SLC6A4: variants seen among roughly 807,000 people sequenced by gnomAD.
The protein encoded by SLC6A4 is sodium-dependent serotonin transporter.
SLC6A4 carries 22 observed loss-of-function variants against 73.4 expected under a neutral mutation model. The observed-to-expected ratio is 0.30, with a 90% confidence interval of 0.21 to 0.43. The LOEUF is 0.43. Among genes scored for constraint, SLC6A4 ranks in the 20% least tolerant of loss-of-function variants. SLC6A4 has a pLI of 1.00. For synonymous variants in SLC6A4, 270 were observed against 315.5 expected, an observed-to-expected ratio of 0.86 and a Z score of 1.53; for missense variants, 593 against 808.5, an observed-to-expected ratio of 0.73 and a Z score of 3.23.
chr17:30,210,657 C>T lies in SLC6A4; in HGVS notation c.1318-11G>A, dbSNP rs200006101. On this transcript the variant is annotated splice_polypyrimidine_tract_variant and intron_variant, in intron 10 of 14. Coordinates refer to ENST00000650711, the MANE Select transcript of SLC6A4 (RefSeq NM_001045.6). ...CTCCAAGCCTGCAAACTGAGAGGTA[C>T]AGGCAAGCAGTCACGGTGGAGGCTT... 135 of 1,607,218 alleles carry T rather than the reference C, an allele frequency of 8.4e-5. No individual in the cohort carries two copies. The highest frequency in any genetic ancestry group is 3.4e-4 in the Middle Eastern group (2 of 5,870).
At position 30,216,236 on chromosome 17, in the gene SLC6A4, T is replaced by C. The variant is rs775727427; in HGVS notation, c.838-20A>G. On this transcript the variant is annotated intron_variant, in intron 6 of 14. Transcript: ENST00000650711. ...CACCACCTGTAAGGAAGAAGGGTTA[T>C]CACCATGCTGTTCCAGGGAGGGGAG... is the stretch of plus-strand genomic sequence containing the variant. 10 of 1,253,488 alleles carry C rather than the reference T, an allele frequency of 8.0e-6. No individual in the cohort carries two copies. Among genetic ancestry groups the C allele is most frequent in the Non-Finnish European group, 1.1e-5 (10 of 938,062 alleles). The allele number at this position is 1,253,488 out of a possible 1,614,324, so 77.6% of individuals were successfully genotyped here. A position where few individuals can be genotyped will look rare whatever the true frequency, so the allele number is the denominator to read the frequency against.
chr17:30,219,358 T>C (rs1249719774), intron 3 of SLC6A4, among the ~76,000 whole-genome samples: 1 of 152,194 alleles, frequency 6.6e-6, no homozygotes, highest in Non-Finnish European at 1.5e-5. Context: ...CCAGACCTCC[T>C]GAAGCGGAAT....
At chr17:30,200,871 TC>T (rs1283219939) in intron 14 of SLC6A4, among the ~76,000 whole-genome samples, 1 of 152,106 alleles carries the variant, frequency 6.6e-6, no homozygotes, top group Non-Finnish European at 1.5e-5. Context: ...AATCTCTGCC[TC>T]CCAGGCTCAA....
intron 14 of SLC6A4, 88 bp from the exon 15 acceptor site, chr17:30,198,618 T>A: frequency 1.4e-6 from 1 of 710,608 alleles, no homozygotes; most frequent in Non-Finnish European, 2.5e-6. Flanking sequence ...AAACAAAGCT[T>A]AAATAACACT....
intron 13 of SLC6A4, chr17:30,205,868 G>A (rs1906177388): frequency 6.6e-6 from 1 of 152,138 alleles, no homozygotes; most frequent in African/African-American, 2.4e-5. Flanking sequence ...AAAATAAAGG[G>A]TTACCCCAAG....
rs989459948 is a variant in SLC6A4, at chr17:30,198,716, TAA to T, written c.1819-188_1819-187del. The stretch of plus-strand genomic sequence containing the variant: ...AATTTATGTATTCTCAAATATGAAT[TAA>T]AATGGTATATTCAGAAACTATACAC... On this transcript the variant is annotated intron_variant, in intron 14 of 14. Coordinates refer to ENST00000650711, the MANE Select transcript of SLC6A4 (RefSeq NM_001045.6). Among the ~76,000 whole-genome samples, 185 of 152,320 alleles carry T rather than the reference TAA, an allele frequency of 1.2e-3. 1 individual carries two copies. Among genetic ancestry groups the T allele is most frequent in the African/African-American group, 4.2e-3 (175 of 41,556 alleles).
chr17:30,212,551 T>C (rs918417946), intron 9 of SLC6A4, among the ~76,000 whole-genome samples, 189 bp downstream of exon 9: 1 of 151,950 alleles, frequency 6.6e-6, no homozygotes, highest in African/African-American at 2.4e-5. Flanking sequence ...CATGCCCAGC[T>C]CATTTATTTT....
At chr17:30,227,354 G>T (rs1906960539) in intron 1 of SLC6A4, among the ~76,000 whole-genome samples, 1 of 147,862 alleles carries the variant, frequency 6.8e-6, no homozygotes, top group African/African-American at 2.5e-5. Context: ...AAATCTGCTT[G>T]TTTTTTTTTT....
chr17:30,201,774 C>T (rs1460039672), intron 14 of SLC6A4, among the ~76,000 whole-genome samples: 2 of 152,130 alleles, frequency 1.3e-5, no homozygotes, highest in East Asian at 1.9e-4. Flanking sequence ...TACAGTTTTC[C>T]TGTTTCAAAA....
In SLC6A4 at chr17:30,217,175, G is replaced by A; in HGVS notation, c.828C>T (p.Thr276=). 3.7e-6 allele frequency: 6 copies of A among 1,613,840 alleles called. No individual in the cohort carries two copies. The highest frequency in any genetic ancestry group is 5.1e-6 in the Non-Finnish European group (6 of 1,179,830). Residue 276 remains threonine, a synonymous_variant, in exon 6 of 15, where the codon ACC becomes ACT. Transcript: ENST00000650711. ...CCAGAGCCTTCCTCACCTTGCCAGAGGTCTTGACGCCTTTCCAGATGCTGA... is the reference window on the plus strand; with the variant it reads ...CCAGAGCCTTCCTCACCTTGCCAGAAGTCTTGACGCCTTTCCAGATGCTGA... ...IYFSIWKGVK[T]SGKVVWVTAT...
intron 12 of SLC6A4, among the ~76,000 whole-genome samples, chr17:30,208,502 G>A (rs1429834862): frequency 1.3e-5 from 2 of 151,968 alleles, no homozygotes; most frequent in Non-Finnish European, 2.9e-5. Context: ...CAGTTCCTAG[G>A]GCAGGTCTAT....
Position 30,222,059 on chromosome 17 carries a change from G to A in SLC6A4, c.-101C>T, listed in dbSNP as rs1173587511. On this transcript the variant is annotated 5_prime_UTR_variant, in exon 3 of 15. Transcript: ENST00000650711. Reference sequence around the variant, plus strand: ...ATCACCTCCGAGCTCTCTATCGTCGGGATTGACACGTCGGGATTGACTCTG... The same window carrying A: ...ATCACCTCCGAGCTCTCTATCGTCGAGATTGACACGTCGGGATTGACTCTG... 1.9e-6 allele frequency: 3 copies of A among 1,583,856 alleles called. No individual in the cohort carries two copies. The highest frequency in any genetic ancestry group is 2.6e-6 in the Non-Finnish European group (3 of 1,165,360).
At chr17:30,234,813 A>G (rs1907220421) in intron 1 of SLC6A4, among the ~76,000 whole-genome samples, 2 of 152,134 alleles carry the variant, frequency 1.3e-5, no homozygotes, top group African/African-American at 4.8e-5. Context: ...CAGAAATTCT[A>G]CCCCTCTCAA....
In SLC6A4 at chr17:30,222,209, C is replaced by T. The variant is rs1214712962; in HGVS notation, c.-123-128G>A. 4 of 591,720 alleles carry T rather than the reference C, an allele frequency of 6.8e-6. No homozygotes were observed. The Admixed American group carries it at 9.1e-5, about 13-fold the overall frequency. 36.7% of individuals were successfully genotyped at this position (591,720 alleles called of 1,614,324 possible). On this transcript the variant is annotated intron_variant, in intron 2 of 14. Coordinates refer to ENST00000650711, the MANE Select transcript of SLC6A4 (RefSeq NM_001045.6). ...ACAAATGCATCTGTTAAATGTGAGA[C>T]ATCCTATTTGCTACATGGCAGTCCA...
At chr17:30,216,464 T>A (rs184093501) in intron 6 of SLC6A4, among the ~76,000 whole-genome samples, 1 of 152,212 alleles carries the variant, frequency 6.6e-6, no homozygotes, top group Non-Finnish European at 1.5e-5. Flanking sequence ...CCACTATGCA[T>A]CTGTAAGGTT....
rs1320945259 is a variant in SLC6A4, at chr17:30,196,995, T to C, written c.*1461A>G. On this transcript the variant is annotated 3_prime_UTR_variant, in exon 15 of 15. Transcript: ENST00000650711. Reference sequence around the variant, plus strand: ...TTTATAAGGTTGTTAGAATTAAATTTCATTTATACAGAGAACTGAAGTGAT... The same window carrying C: ...TTTATAAGGTTGTTAGAATTAAATTCCATTTATACAGAGAACTGAAGTGAT... 2 of 152,334 alleles carry C rather than the reference T, an allele frequency of 1.3e-5. No homozygotes were observed. The highest frequency in any genetic ancestry group is 3.7e-4 in the East Asian group (2 of 5,336). The allele number at this position is 152,334 out of a possible 1,614,324, so 9.4% of individuals were successfully genotyped here.
chr17:30,233,789 C>A (rs2143016871), intron 1 of SLC6A4, among the ~76,000 whole-genome samples: 1 of 152,294 alleles, frequency 6.6e-6, no homozygotes, highest in African/African-American at 2.4e-5. Context: ...ATGACCATAT[C>A]CTGTTGATTC....
At position 30,201,214 on chromosome 17, in the gene SLC6A4, A is replaced by G. The variant is rs191173836; in HGVS notation, c.1818+1958T>C. On this transcript the variant is annotated intron_variant, in intron 14 of 14. Transcript: ENST00000650711. The stretch of plus-strand genomic sequence containing the variant: ...TGGGAAATGTTAACATGGTCAAATG[A>G]GCACATTTGAAAGAGGAGGAAACCG... 3.9e-5 allele frequency among the ~76,000 whole-genome samples: 6 copies of G among 152,308 alleles called. No homozygotes were observed. The South Asian group carries it at 6.2e-4, about 16-fold the overall frequency.
intron 10 of SLC6A4, 49 bp from the exon 11 acceptor site, chr17:30,210,695 G>T (rs377209875): frequency 3.8e-6 from 6 of 1,579,606 alleles, no homozygotes; most frequent in Non-Finnish European, 5.2e-6. Context: ...GGACAAGGCT[G>T]TGGCCTTCAG....
Sources: gnomAD v4.1 joint callset for allele counts (sites outside exome capture counted in the v4.1 genomes callset) on GRCh38, gnomAD v4.1.1 for gene constraint, MANE v1.5 for transcripts, NCBI Gene and HGNC (gene_info 2026-07-23, HGNC 2026-07-21) for gene names.